Variants in PSEN1 observed in about 807,000 individuals in gnomAD.
PSEN1 encodes the protein presenilin-1.
In PSEN1, 15 loss-of-function variants were observed where a neutral mutation model predicts 53.5. That is an observed-to-expected ratio of 0.28 (90% confidence interval 0.19 to 0.43). PSEN1 has a LOEUF of 0.43. Among genes scored for constraint, PSEN1 ranks in the 20% least tolerant of loss-of-function variants. The pLI, the probability that PSEN1 is intolerant of heterozygous loss-of-function variation, is 1.00. For synonymous variants in PSEN1, 208 were observed against 209.8 expected (o/e 0.99, Z 0.08); for missense variants, 387 against 571.2 (o/e 0.68, Z 3.29).
intron 7 of PSEN1, among the ~76,000 whole-genome samples, chr14:73,194,942 A>G (rs1383833555): frequency 1.3e-5 from 2 of 152,136 alleles, no homozygotes; most frequent in Admixed American, 1.3e-4. Flanking sequence ...CATCATCCTC[A>G]TTTGATTGAC....
intron 6 of PSEN1, chr14:73,189,849 CT>C: frequency 4.0e-6 from 1 of 248,906 alleles, no homozygotes; most frequent in South Asian, 4.8e-5. Flanking sequence ...TGCTGACTGC[CT>C]TCCAAGAAGC....
At chr14:73,177,740 C>T (rs903099446) in intron 5 of PSEN1, among the ~76,000 whole-genome samples, 6 of 152,114 alleles carry the variant, frequency 3.9e-5, no homozygotes, top group African/African-American at 9.7e-5. Context: ...ATCAGTCATT[C>T]GAATCACTGT....
chr14:73,206,238 C>CT (rs149238167), intron 8 of PSEN1, 148 bp from the exon 9 acceptor site: 7 of 689,338 alleles, frequency 1.0e-5, no homozygotes, highest in East Asian at 2.7e-5. Flanking sequence ...CAAAGAGAAC[C>CT]TTTTTTTTAT....
rs573948801 is a variant in PSEN1, at chr14:73,188,185, C to T, written c.548+1265C>T. 3.4e-5 allele frequency among the ~76,000 whole-genome samples: 5 copies of T among 149,250 alleles called. No individual in the cohort carries two copies. The East Asian group carries it at 9.7e-4, about 29-fold the overall frequency. On this transcript the variant is annotated intron_variant, in intron 6 of 11. Coordinates refer to ENST00000324501, the MANE Select transcript of PSEN1 (RefSeq NM_000021.4). ...CTCGTGATCCGCCCGCCTTGGCCTC[C>T]CAAAGTGCTGGAATTAACAGGCCTG...
chr14:73,196,275 C>T (rs1413530420), intron 7 of PSEN1, among the ~76,000 whole-genome samples: 1 of 151,910 alleles, frequency 6.6e-6, no homozygotes, highest in Non-Finnish European at 1.5e-5. Context: ...CAGAATCAAA[C>T]AAGTTGAAAA....
At chr14:73,217,021 TTC>T in intron 10 of PSEN1, 103 bp from the exon 11 acceptor site, 1 of 1,242,780 alleles carries the variant, frequency 8.0e-7, no homozygotes, top group East Asian at 2.3e-5. Context: ...ATTTACTGAC[TTC>T]TCTCATTCAT....
At chr14:73,213,378 C>G (rs1899779559) in intron 10 of PSEN1, among the ~76,000 whole-genome samples, 1 of 151,924 alleles carries the variant, frequency 6.6e-6, no homozygotes, top group Non-Finnish European at 1.5e-5. Context: ...TGAGAGGGCT[C>G]TTTGTGTCCT....
In PSEN1 at chr14:73,211,854, T is replaced by A. The variant is rs767146336; in HGVS notation, c.1041T>A (p.His347Gln). The change falls in exon 10 of 12, where the codon CAT becomes CAA. Residue 347 changes from histidine to glutamine, a missense_variant. This residue lies in a region of PSEN1 where 75 missense variants were observed against 63.7 expected (regional missense o/e 1.18). Coordinates refer to ENST00000324501, the MANE Select transcript of PSEN1 (RefSeq NM_000021.4). ...AATGGGAAGCCCAGAGGGACAGTCATCTAGGGCCTCATCGCTCTACACCTG... is the reference window on the plus strand; with the variant it reads ...AATGGGAAGCCCAGAGGGACAGTCAACTAGGGCCTCATCGCTCTACACCTG... ...SEEWEAQRDSHLGPHRSTPES... is the reference protein window; with the variant it reads ...SEEWEAQRDSQLGPHRSTPES... 8 of 1,613,208 alleles carry A rather than the reference T, an allele frequency of 5.0e-6. No individual in the cohort carries two copies. In the South Asian group the frequency reaches 7.7e-5, roughly 16 times the overall value.
At chr14:73,146,358 AT>A (rs1393686125) in intron 1 of PSEN1, among the ~76,000 whole-genome samples, 3 of 151,670 alleles carry the variant, frequency 2.0e-5, no homozygotes, top group African/African-American at 7.3e-5. Context: ...CCAGCTAATT[AT>A]TTTTTTGTAG....
chr14:73,137,293 A>G (rs1896774958), intron 1 of PSEN1: 1 of 152,360 alleles, frequency 6.6e-6, no homozygotes, highest in Non-Finnish European at 1.5e-5. Context: ...GGGACATGGG[A>G]ACCAATTGAG....
intron 9 of PSEN1, among the ~76,000 whole-genome samples, chr14:73,210,284 A>G (rs10131356): frequency 0.015 from 2,283 of 152,334 alleles, 58 homozygotes; most frequent in African/African-American, 0.051. Context: ...AAAAAAGCAA[A>G]TGTAATTATA....
At chr14:73,198,168 T>A in intron 8 of PSEN1, 39 bp downstream of exon 8, 2 of 1,228,616 alleles carry the variant, frequency 1.6e-6, no homozygotes, top group Non-Finnish European at 2.4e-6. Flanking sequence ...GTAATCAGTG[T>A]AGAATTTATC....
chr14:73,176,707 C>T (rs1025275774), intron 5 of PSEN1, among the ~76,000 whole-genome samples: 10 of 152,198 alleles, frequency 6.6e-5, no homozygotes, highest in Non-Finnish European at 1.0e-4. Flanking sequence ...AGCTTTACAT[C>T]TGCCTTGTTT....
chr14:73,148,102 G>A lies in PSEN1; in HGVS notation c.83G>A (p.Ser28Asn). ...EDNHLSNTVR[S>N]QNDNRERQEH... ...AACCACCTGAGCAATACTGTACGTA[G>A]CCAGGTACAGTGTCAGTCTCTGAAA... Residue 28 changes from serine to asparagine, a missense_variant, in exon 3 of 12, where the codon AGC becomes AAC. Physicochemically the swap from Ser to Asn is conservative, Grantham distance 46. Coordinates refer to ENST00000324501, the MANE Select transcript of PSEN1 (RefSeq NM_000021.4). 1.2e-6 allele frequency: 2 copies of A among 1,611,684 alleles called. No individual in the cohort carries two copies. Among genetic ancestry groups the A allele is most frequent in the Non-Finnish European group, 8.5e-7 (1 of 1,178,052 alleles).
chr14:73,143,409 A>G (rs1185669110), intron 1 of PSEN1, among the ~76,000 whole-genome samples: 1 of 152,208 alleles, frequency 6.6e-6, no homozygotes, highest in East Asian at 1.9e-4. Context: ...GGGTTCTGCA[A>G]CTGGCATTGT....
chr14:73,220,518 G>T lies in PSEN1; in HGVS notation c.*1229G>T, dbSNP rs953815126. On this transcript the variant is annotated 3_prime_UTR_variant, in exon 12 of 12. Transcript: ENST00000324501. Reference sequence around the variant, plus strand: ...AACTAGTTGTATCAACACAAAGCAAGAGTTGGGGAAAGCCATATTTAACTT... The same window carrying T: ...AACTAGTTGTATCAACACAAAGCAATAGTTGGGGAAAGCCATATTTAACTT... 4 of 152,444 alleles carry T rather than the reference G, an allele frequency of 2.6e-5. No individual in the cohort carries two copies. The East Asian group carries it at 7.7e-4, about 29-fold the overall frequency. 9.4% of individuals were successfully genotyped at this position (152,444 alleles called of 1,614,324 possible).
intron 3 of PSEN1, among the ~76,000 whole-genome samples, chr14:73,156,151 A>G (rs1368658092): frequency 2.0e-5 from 3 of 152,108 alleles, no homozygotes; most frequent in East Asian, 3.8e-4. Context: ...CCTGGGCAAC[A>G]TGGTGAAACC....
rs137925179 is a variant in PSEN1 at position 73,194,122 on chromosome 14, C to T, written c.769+1258C>T. Among the ~76,000 whole-genome samples the T allele has an allele frequency of 3.2e-3, 480 of 152,262 alleles. 2 individuals are homozygous for T. Among genetic ancestry groups the T allele is most frequent in the African/African-American group, 8.8e-3 (364 of 41,544 alleles). ...GTTAGAACATACTCCAGCCATTAACCCAGGCAGCTTTCAGGTACGTACTCT... is the reference window on the plus strand; with the variant it reads ...GTTAGAACATACTCCAGCCATTAACTCAGGCAGCTTTCAGGTACGTACTCT... On this transcript the variant is annotated intron_variant, in intron 7 of 11. Coordinates refer to ENST00000324501, the MANE Select transcript of PSEN1 (RefSeq NM_000021.4).
rs762700122 is a variant in PSEN1, at chr14:73,192,648, G to T, written c.553G>T (p.Val185Leu). 6.2e-7 allele frequency: 1 copy of T among 1,609,960 alleles called. No individual in the cohort carries two copies. Among genetic ancestry groups the T allele is most frequent in the South Asian group, 1.1e-5 (1 of 90,988 alleles). The change falls in exon 7 of 12, where the codon GTG (valine) becomes TTG (leucine). Residue 185 changes from valine (V) to leucine (L), a missense_variant. This residue lies in a region of PSEN1 where 169 missense variants were observed against 299.7 expected (regional missense o/e 0.56). Coordinates refer to ENST00000324501, the MANE Select transcript of PSEN1 (RefSeq NM_000021.4). ...FFFSFIYLGE[V>L]FKTYNVAVDY... Reference sequence around the variant, plus strand: ...ATCTGTGTAATTTTTTTTCAGGGAAGTGTTTAAAACCTATAACGTTGCTGT... The same window carrying T: ...ATCTGTGTAATTTTTTTTCAGGGAATTGTTTAAAACCTATAACGTTGCTGT...
Sources: gnomAD v4.1 joint callset for allele counts (sites outside exome capture counted in the v4.1 genomes callset) on GRCh38, gnomAD v4.1.1 for gene constraint, gnomAD v4.1.1 regional missense constraint, MANE v1.5 for transcripts, NCBI Gene and HGNC (gene_info 2026-07-23, HGNC 2026-07-21) for gene names.